PDZRN3: variants seen among roughly 807,000 people sequenced by gnomAD.
PDZRN3 encodes the protein E3 ubiquitin-protein ligase PDZRN3.
In PDZRN3, 38 loss-of-function variants were observed where a neutral mutation model predicts 85.7. That is an observed-to-expected ratio of 0.44 (90% CI 0.34 to 0.58). The LOEUF (loss-of-function observed/expected upper bound fraction) is 0.58, where lower values mean the gene tolerates loss of function less well. PDZRN3 is among the 20% of genes least tolerant of loss of function. PDZRN3 has a pLI of 0.01. For synonymous variants in PDZRN3, 759 were observed against 638.0 expected, an observed-to-expected ratio of 1.19 and a Z score of -2.86; for missense variants, 1,629 against 1,506.4, an observed-to-expected ratio of 1.08 and a Z score of -1.35.
At chr3:73,401,088 T>G in intron 4 of PDZRN3, 79 bp from the exon 5 acceptor site, 1 of 1,039,680 alleles carries the variant, frequency 9.6e-7, no homozygotes, top group South Asian at 1.3e-5. Flanking sequence ...GTCAGGCCAG[T>G]GGCACAGTAG....
chr3:73,553,076 A>G (rs912736090), intron 3 of PDZRN3, among the ~76,000 whole-genome samples: 1 of 152,228 alleles, frequency 6.6e-6, no homozygotes, highest in African/African-American at 2.4e-5. Flanking sequence ...AGTAGAGACT[A>G]CAAGGAAGGG....
chr3:73,505,140 C>T (rs1293953991), intron 3 of PDZRN3, among the ~76,000 whole-genome samples: 1 of 152,160 alleles, frequency 6.6e-6, no homozygotes, highest in African/African-American at 2.4e-5. Flanking sequence ...GATTACGAAG[C>T]TGAAGGCAAA....
At chr3:73,574,391 C>T (rs189176438) in intron 3 of PDZRN3, among the ~76,000 whole-genome samples, 1 of 142,272 alleles carries the variant, frequency 7.0e-6, no homozygotes, top group Admixed American at 7.7e-5. Context: ...CCCCTCACAA[C>T]ACTTCTTTAA....
chr3:73,562,802 T>C (rs1185640979), intron 3 of PDZRN3, among the ~76,000 whole-genome samples: 1 of 151,654 alleles, frequency 6.6e-6, no homozygotes, highest in Admixed American at 6.6e-5. Flanking sequence ...GCAAGAGAAT[T>C]CTTTACCAGA....
chr3:73,548,067 T>C (rs1340904391), intron 3 of PDZRN3, among the ~76,000 whole-genome samples: 1 of 152,114 alleles, frequency 6.6e-6, no homozygotes, highest in Non-Finnish European at 1.5e-5. Context: ...AAGTCTGGGC[T>C]CTGTGAAAAT....
chr3:73,401,496 T>C (rs1701748567), intron 4 of PDZRN3, among the ~76,000 whole-genome samples: 1 of 152,226 alleles, frequency 6.6e-6, no homozygotes, highest in African/African-American at 2.4e-5. Flanking sequence ...CCGTGTCTTT[T>C]TGAATGTTAC....
At chr3:73,456,176 G>GA (rs1334637346) in intron 3 of PDZRN3, among the ~76,000 whole-genome samples, 2 of 136,680 alleles carry the variant, frequency 1.5e-5, no homozygotes, top group African/African-American at 2.8e-5. Context: ...GTACTGAAGA[G>GA]AAGAAAAATG....
chr3:73,543,421 T>C (rs1279125890), intron 3 of PDZRN3, among the ~76,000 whole-genome samples: 1 of 152,198 alleles, frequency 6.6e-6, no homozygotes, highest in African/African-American at 2.4e-5. Flanking sequence ...TGAGGCAAAA[T>C]TGAGTCTTAA....
chr3:73,559,899 A>T (rs1304985844), intron 3 of PDZRN3, among the ~76,000 whole-genome samples: 1 of 152,220 alleles, frequency 6.6e-6, no homozygotes, highest in Non-Finnish European at 1.5e-5. Flanking sequence ...CTTAGAGTCA[A>T]TATTTACATT....
intron 3 of PDZRN3, among the ~76,000 whole-genome samples, chr3:73,551,698 A>T (rs1346800345): frequency 6.6e-6 from 1 of 151,632 alleles, no homozygotes; most frequent in Non-Finnish European, 1.5e-5. Flanking sequence ...CAAAAAAAAA[A>T]AAAAAAAAAA....
At chr3:73,602,504 A>G (rs758659296) in intron 2 of PDZRN3, 43 bp from the exon 3 acceptor site, 5 of 998,708 alleles carry the variant, frequency 5.0e-6, no homozygotes, top group African/African-American at 1.6e-5. Context: ...CTAGGCATTA[A>G]GTTGAGCATG....
intron 5 of PDZRN3, among the ~76,000 whole-genome samples, chr3:73,392,640 T>C (rs1474018155): frequency 1.3e-5 from 2 of 152,216 alleles, no homozygotes; most frequent in Non-Finnish European, 2.9e-5. Flanking sequence ...CATGCAGGTA[T>C]GGTTACTTCC....
intron 3 of PDZRN3, among the ~76,000 whole-genome samples, chr3:73,540,030 C>T (rs943098070): frequency 3.5e-4 from 49 of 140,680 alleles, no homozygotes; most frequent in African/African-American, 1.3e-3. Context: ...TCAGGAAGTG[C>T]CGTGTCTCTA....
At chr3:73,603,049 T>C (rs1480734448) in intron 2 of PDZRN3, among the ~76,000 whole-genome samples, 5 of 152,212 alleles carry the variant, frequency 3.3e-5, no homozygotes, top group Admixed American at 6.5e-5. Flanking sequence ...AATGGAACTG[T>C]TGGGTAAAAG....
chr3:73,404,111 T>A (rs1701806287), intron 4 of PDZRN3, 37 bp downstream of exon 4: 3 of 1,584,778 alleles, frequency 1.9e-6, no homozygotes. Flanking sequence ...TGGAAATACT[T>A]CTTAATGCAT....
intron 1 of PDZRN3, among the ~76,000 whole-genome samples, chr3:73,610,489 GT>G (rs1289489664): frequency 3.3e-5 from 5 of 152,264 alleles, no homozygotes; most frequent in African/African-American, 1.2e-4. Flanking sequence ...CAACCTAATA[GT>G]TTTGAGATAT....
At chr3:73,576,143 C>A (rs746676493) in intron 3 of PDZRN3, among the ~76,000 whole-genome samples, 1 of 152,108 alleles carries the variant, frequency 6.6e-6, no homozygotes, top group Non-Finnish European at 1.5e-5. Flanking sequence ...CAGTGGCATA[C>A]GGAGCTGCCT....
chr3:73,593,579 G>A lies in PDZRN3; in HGVS notation c.918+8775C>T, dbSNP rs571700997. ...ACCTGGCGCCATATGCTATGAGCTT[G>A]TAGAAATGAGAATGTTAAGTGACTT... On this transcript the variant is annotated intron_variant, in intron 3 of 9. Transcript: ENST00000263666. Among the ~76,000 whole-genome samples the A allele has an allele frequency of 2.0e-5, 3 of 152,266 alleles. No homozygotes were observed. The South Asian group carries it at 6.2e-4, about 32-fold the overall frequency.
chr3:73,555,992 A>G, intron 3 of PDZRN3, among the ~76,000 whole-genome samples: 1 of 152,206 alleles, frequency 6.6e-6, no homozygotes, highest in East Asian at 1.9e-4. Context: ...ATTACAAAAT[A>G]TGCTTAAGGA....
Sources: allele counts gnomAD v4.1 joint callset (sites outside exome capture counted in the v4.1 genomes callset), GRCh38; gene constraint gnomAD v4.1.1; transcripts MANE v1.5; gene names NCBI Gene and HGNC (gene_info 2026-07-23, HGNC 2026-07-21).